SEC14L5: variants seen among roughly 807,000 people sequenced by gnomAD.
SEC14L5 encodes the protein SEC14-like protein 5.
A neutral mutation model predicts 84.6 loss-of-function variants in SEC14L5; 96 were observed. The observed-to-expected ratio is 1.13, with a 90% CI of 0.96 to 1.34. SEC14L5 has a LOEUF of 1.34. Among genes scored for constraint, SEC14L5 ranks in the 40% most tolerant of loss-of-function variants. SEC14L5 has a pLI of 0.00. For missense variants in SEC14L5, 1,224 were observed against 942.5 expected, an observed-to-expected ratio of 1.30 and a Z score of -3.91; for synonymous variants, 546 against 383.4, an observed-to-expected ratio of 1.42 and a Z score of -4.95.
chr16:4,971,969 T>C (rs1278412351), intron 2 of SEC14L5, among the ~76,000 whole-genome samples: 1 of 151,878 alleles, frequency 6.6e-6, no homozygotes, highest in Non-Finnish European at 1.5e-5. Context: ...AATGTCCTAT[T>C]CCAAACCATG....
intron 2 of SEC14L5, among the ~76,000 whole-genome samples, chr16:4,980,907 A>G (rs562123399): frequency 6.6e-6 from 1 of 152,166 alleles, no homozygotes; most frequent in South Asian, 2.1e-4. Flanking sequence ...CAAGAAATTG[A>G]TCAGCGTTCC....
Position 4,996,457 on chromosome 16 carries a change from C to T in SEC14L5, c.777C>T (p.Gly259=). 3.9e-6 allele frequency: 6 copies of T among 1,552,690 alleles called. No homozygotes were observed. The highest frequency in any genetic ancestry group is 5.2e-6 in the Non-Finnish European group (6 of 1,144,556). ...LRHWLQETHK[G]KIPKDEHILR... ...ACTGGTTACAGGAGACCCACAAAGG[C>T]AAGGTGGGTGCAGGGGGTACCCTGG... Residue 259 remains glycine (G), a synonymous_variant, in exon 7 of 16, where the codon GGC becomes GGT. Coordinates refer to ENST00000251170, the MANE Select transcript of SEC14L5 (RefSeq NM_014692.2).
chr16:4,967,982 C>G (rs1568104884), intron 2 of SEC14L5, among the ~76,000 whole-genome samples: 1 of 141,060 alleles, frequency 7.1e-6, no homozygotes, highest in East Asian at 2.2e-4. Context: ...TTCCCCTCCC[C>G]TCTCCTTCCC....
intron 15 of SEC14L5, among the ~76,000 whole-genome samples, chr16:5,012,938 T>G (rs150109172): frequency 0.022 from 3,132 of 141,060 alleles, 111 homozygotes; most frequent in African/African-American, 0.075. Context: ...ACTGGGTAAT[T>G]TATAAAGAAA....
rs554222274 is a variant in SEC14L5, at chr16:5,017,393, T to C, written c.*2423T>C. 1.3e-5 allele frequency: 2 copies of C among 152,458 alleles called. No homozygotes were observed. Among genetic ancestry groups the C allele is most frequent in the East Asian group, 1.9e-4 (1 of 5,180 alleles). 9.4% of individuals were successfully genotyped at this position (152,458 alleles called of 1,614,324 possible). A position where few individuals can be genotyped will look rare whatever the true frequency, so the allele number is the denominator to read the frequency against. ...GATATGGCTGGATCCAGGAGCTTAATGTCCTCAGGCCTCTCAACTGCACCC... is the reference window on the plus strand; with the variant it reads ...GATATGGCTGGATCCAGGAGCTTAACGTCCTCAGGCCTCTCAACTGCACCC... On this transcript the variant is annotated 3_prime_UTR_variant, in exon 16 of 16. Transcript: ENST00000251170.
intron 2 of SEC14L5, among the ~76,000 whole-genome samples, chr16:4,970,960 T>C (rs1030942592): frequency 1.3e-5 from 2 of 151,978 alleles, no homozygotes; most frequent in African/African-American, 4.8e-5. Context: ...ATACAAAAAT[T>C]AGCTGGGCGT....
At chr16:5,001,250 CTTTTT>C (rs371571869) in intron 10 of SEC14L5, among the ~76,000 whole-genome samples, 4 of 126,168 alleles carry the variant, frequency 3.2e-5, no homozygotes, top group Non-Finnish European at 6.6e-5. Context: ...CTTGACTTTG[CTTTTT>C]TTTTTTTTTT....
chr16:5,008,401 C>G lies in SEC14L5; in HGVS notation c.1573-20C>G. 3.8e-6 allele frequency: 6 copies of G among 1,577,838 alleles called. No individual in the cohort carries two copies. Among genetic ancestry groups the G allele is most frequent in the Non-Finnish European group, 5.2e-6 (6 of 1,153,726 alleles). Reference sequence around the variant, plus strand: ...TACTCTCTCGGCCGTGACTCTCAGACCTCGCCTGTCTCCACACAGGTGGCC... The same window carrying G: ...TACTCTCTCGGCCGTGACTCTCAGAGCTCGCCTGTCTCCACACAGGTGGCC... On this transcript the variant is annotated intron_variant, in intron 13 of 15. Coordinates refer to ENST00000251170, the MANE Select transcript of SEC14L5 (RefSeq NM_014692.2).
intron 2 of SEC14L5, among the ~76,000 whole-genome samples, chr16:4,961,077 C>T (rs779570009): frequency 3.3e-5 from 5 of 152,072 alleles, no homozygotes; most frequent in Non-Finnish European, 7.4e-5. Context: ...CAAGACAATC[C>T]CGTGTAACAC....
chr16:5,007,792 G>C (rs1281081907), intron 13 of SEC14L5, among the ~76,000 whole-genome samples: 1 of 150,956 alleles, frequency 6.6e-6, no homozygotes, highest in Non-Finnish European at 1.5e-5. Context: ...TTTTAGTAGA[G>C]ACGGGTTTTC....
chr16:5,000,002 T>G (rs896456129), intron 8 of SEC14L5, among the ~76,000 whole-genome samples: 6 of 151,568 alleles, frequency 4.0e-5, no homozygotes, highest in African/African-American at 1.5e-4. Context: ...TGACAAAAAG[T>G]ATTATGGGGC....
chr16:5,003,111 C>A (rs1036523416), intron 10 of SEC14L5, among the ~76,000 whole-genome samples: 4 of 152,268 alleles, frequency 2.6e-5, no homozygotes, highest in Non-Finnish European at 5.9e-5. Context: ...ATCCTAACAG[C>A]AGTTGCTTCA....
intron 11 of SEC14L5, among the ~76,000 whole-genome samples, chr16:5,005,656 T>G (rs1289340536): frequency 6.6e-6 from 1 of 151,590 alleles, no homozygotes; most frequent in African/African-American, 2.4e-5. Context: ...GGTCAGGAGA[T>G]CGAGACCATC....
intron 2 of SEC14L5, among the ~76,000 whole-genome samples, chr16:4,974,604 C>CTTT (rs60355877): frequency 1.3e-5 from 2 of 150,894 alleles, no homozygotes; most frequent in African/African-American, 2.4e-5. Flanking sequence ...TGGGGTACAG[C>CTTT]TTTTTTTTTT....
At chr16:5,001,349 T>C (rs917408760) in intron 10 of SEC14L5, among the ~76,000 whole-genome samples, 3 of 151,202 alleles carry the variant, frequency 2.0e-5, no homozygotes, top group Non-Finnish European at 3.0e-5. Flanking sequence ...AGCTCTGCCT[T>C]CCGGGTTCAA....
At position 4,987,580 on chromosome 16, in the gene SEC14L5, G is replaced by A. The variant is rs1434858802; in HGVS notation, c.87G>A (p.Thr29=). 6 of 1,560,392 alleles carry A rather than the reference G, an allele frequency of 3.8e-6. No homozygotes were observed. In the Admixed American group the frequency reaches 7.6e-5, roughly 20 times the overall value. The change falls in exon 3 of 16, where the codon ACG becomes ACA. Residue 29 remains threonine, a synonymous_variant. Transcript: ENST00000251170. ...VMAAYEKRFP[T]CPQIPVFLGS... ...AGGCCTACGAGAAGCGTTTCCCCAC[G>A]TGCCCACAGATCCCAGTCTTCCTGG...
intron 3 of SEC14L5, 108 bp from the exon 4 acceptor site, chr16:4,988,040 TG>T: frequency 8.2e-7 from 1 of 1,221,974 alleles, no homozygotes; most frequent in Non-Finnish European, 1.2e-6. Flanking sequence ...GCAAGGGACC[TG>T]GGACTCAGGG....
chr16:4,959,668 G>T (rs1039169659), intron 2 of SEC14L5, among the ~76,000 whole-genome samples: 4 of 152,184 alleles, frequency 2.6e-5, no homozygotes, highest in African/African-American at 9.7e-5. Context: ...GGTATCAGGG[G>T]CCAAGCCACT....
chr16:4,965,418 T>G (rs1955186077), intron 2 of SEC14L5, among the ~76,000 whole-genome samples: 1 of 152,072 alleles, frequency 6.6e-6, no homozygotes, highest in Non-Finnish European at 1.5e-5. Context: ...TCCCAGCACT[T>G]TAGGAGGCCG....
Sources: gnomAD v4.1 joint callset for allele counts (sites outside exome capture counted in the v4.1 genomes callset) on GRCh38, gnomAD v4.1.1 for gene constraint, MANE v1.5 for transcripts, NCBI Gene and HGNC (gene_info 2026-07-23, HGNC 2026-07-21) for gene names.